HSPA12A: variants seen among roughly 807,000 people sequenced by gnomAD.
HSPA12A encodes heat shock 70 kDa protein 12A.
Under a neutral mutation model 69.2 loss-of-function variants are expected in HSPA12A, and 28 were observed. That is an observed-to-expected ratio of 0.40 (90% CI 0.30 to 0.55). The LOEUF (loss-of-function observed/expected upper bound fraction) is 0.55. Ranked by LOEUF, HSPA12A falls within the 20% of genes least tolerant of loss-of-function variation. The probability of loss-of-function intolerance (pLI) is 0.38; values close to 1 mark genes in which losing one functional copy is unlikely to be tolerated. For synonymous variants in HSPA12A, 345 were observed against 370.5 expected (o/e 0.93, Z 0.79); for missense variants, 686 against 900.7 (o/e 0.76, Z 3.05).
chr10:116,684,091 AC>A (rs1554879168), intron 6 of HSPA12A, 129 bp from the exon 7 acceptor site: 13 of 748,322 alleles, frequency 1.7e-5, no homozygotes, highest in Non-Finnish European at 2.6e-5. Flanking sequence ...CATTCTCTAC[AC>A]AGTCCTCTGC....
intron 1 of HSPA12A, among the ~76,000 whole-genome samples, chr10:116,734,641 G>T (rs1391227620): frequency 5.3e-5 from 7 of 131,726 alleles, no homozygotes; most frequent in Non-Finnish European, 9.5e-5. Context: ...TGCATCTACA[G>T]ATTTTCAGCT....
At chr10:116,718,893 A>G (rs1488732226) in intron 1 of HSPA12A, among the ~76,000 whole-genome samples, 4 of 151,984 alleles carry the variant, frequency 2.6e-5, no homozygotes, top group Non-Finnish European at 5.9e-5. Context: ...ACAGAAGGTC[A>G]GAAAAACTCA....
At chr10:116,761,387 A>G (rs1317926545) in intron 2 of HSPA12A, among the ~76,000 whole-genome samples, 1 of 151,836 alleles carries the variant, frequency 6.6e-6, no homozygotes, top group African/African-American at 2.4e-5. Context: ...TTGGGAGGCT[A>G]AGGTAGAAGA....
rs144625475 is a variant in HSPA12A, at chr10:116,721,858, C to T, written c.41-14573G>A. 2.5e-3 allele frequency among the ~76,000 whole-genome samples: 380 copies of T among 152,340 alleles called. 3 individuals are homozygous for T. Among genetic ancestry groups the T allele is most frequent in the African/African-American group, 8.6e-3 (356 of 41,568 alleles). ...ACTCATCATCATGGCTGCTCACCCA[C>T]GTTGGTGTGTACATGTTATGAAAGA... On this transcript the variant is annotated intron_variant, in intron 1 of 11. Transcript: ENST00000369209.
chr10:116,682,459 G>T lies in HSPA12A; in HGVS notation c.836-582C>A, dbSNP rs570460473. On this transcript the variant is annotated intron_variant, in intron 7 of 11. Transcript: ENST00000369209. The stretch of plus-strand genomic sequence containing the variant: ...ATGCACCCTGGGTAAATAGACTGGG[G>T]GGGGGGGCCATTTCCTGACCCAGCT... Among the ~76,000 whole-genome samples, 80 of 151,890 alleles carry T rather than the reference G, an allele frequency of 5.3e-4. 1 individual carries two copies. The highest frequency in any genetic ancestry group is 1.2e-3 in the African/African-American group (51 of 41,340).
intron 1 of HSPA12A, among the ~76,000 whole-genome samples, chr10:116,847,208 T>A (rs976071182): frequency 1.1e-4 from 16 of 152,308 alleles, no homozygotes; most frequent in African/African-American, 3.8e-4. Context: ...TACAAGGTAA[T>A]CTCAAAAGCC....
intron 5 of HSPA12A, among the ~76,000 whole-genome samples, chr10:116,697,410 G>A (rs1849939837): frequency 6.6e-6 from 1 of 151,070 alleles, no homozygotes; most frequent in South Asian, 2.1e-4. Flanking sequence ...GACCCAAGGG[G>A]GCTCACGCTA....
At chr10:116,822,994 G>A (rs1845433297) in intron 2 of HSPA12A, among the ~76,000 whole-genome samples, 1 of 152,152 alleles carries the variant, frequency 6.6e-6, no homozygotes. Context: ...ATGAGTCAAT[G>A]GTGTGCTGTG....
intron 1 of HSPA12A, among the ~76,000 whole-genome samples, chr10:116,730,214 T>C (rs896452552): frequency 3.9e-5 from 6 of 152,240 alleles, no homozygotes; most frequent in Admixed American, 6.5e-5. Context: ...ATGCCTAACA[T>C]TGACTGCACA....
chr10:116,740,637 CGTGT>C (rs60427815), intron 1 of HSPA12A, among the ~76,000 whole-genome samples: 43,931 of 137,386 alleles, frequency 0.32, 7,218 homozygotes, highest in Admixed American at 0.45. Flanking sequence ...CTCCCAGCAC[CGTGT>C]GTGTGTGTGT....
Position 116,795,515 on chromosome 10 carries a change from T to TAA in HSPA12A, c.91+39418_91+39419dup, listed in dbSNP as rs112773070. Among the ~76,000 whole-genome samples, 1,185 of 140,756 alleles carry TAA rather than the reference T, an allele frequency of 8.4e-3. 18 individuals carry two copies. The highest frequency in any genetic ancestry group is 0.026 in the African/African-American group (982 of 37,896). The allele number at this position is 140,756 out of a possible 152,430, so 92.3% of individuals were successfully genotyped here. A position where few individuals can be genotyped will look rare whatever the true frequency, so the allele number is the denominator to read the frequency against. Reference sequence around the variant, plus strand: ...CCAACATAGCGAAACCTGCCGCTACTAAAAAAAAAAAAATACAAAAATTAG... The same window carrying TAA: ...CCAACATAGCGAAACCTGCCGCTACTAAAAAAAAAAAAAAATACAAAAATTAG... On this transcript the variant is annotated intron_variant, in intron 2 of 12. Coordinates refer to the HSPA12A transcript ENST00000635765.
intron 6 of HSPA12A, among the ~76,000 whole-genome samples, 187 bp from the exon 7 acceptor site, chr10:116,684,149 C>T (rs888853774): frequency 6.6e-6 from 1 of 152,150 alleles, no homozygotes; most frequent in African/African-American, 2.4e-5. Flanking sequence ...AAGCCAGATA[C>T]CCAAACACCC....
chr10:116,804,771 G>T (rs1336257395), intron 2 of HSPA12A, among the ~76,000 whole-genome samples: 2 of 152,168 alleles, frequency 1.3e-5, no homozygotes, highest in Non-Finnish European at 2.9e-5. Flanking sequence ...CCCATTTGCA[G>T]CTCCTATTTT....
intron 1 of HSPA12A, among the ~76,000 whole-genome samples, chr10:116,739,270 A>T (rs1467121688): frequency 2.0e-5 from 3 of 152,150 alleles, no homozygotes; most frequent in Non-Finnish European, 4.4e-5. Flanking sequence ...TGAAATGGGG[A>T]TCACAGGGCG....
intron 5 of HSPA12A, 146 bp from the exon 6 acceptor site, chr10:116,692,613 G>C: frequency 1.5e-6 from 1 of 663,520 alleles, no homozygotes; most frequent in Non-Finnish European, 2.7e-6. Flanking sequence ...GCATCAGAGA[G>C]CAAAGATCTG....
rs1845997522 is a variant in HSPA12A, at chr10:116,849,679, A to T, written c.-111T>A. 1.3e-6 allele frequency: 2 copies of T among 1,549,308 alleles called. No homozygotes were observed. Among genetic ancestry groups the T allele is most frequent in the Admixed American group, 2.0e-5 (1 of 50,886 alleles). ...AACGACGTTCCGCGCAGGCTGGAAG[A>T]GCTGCTCAACTCCACCTTCTACCTC... On this transcript the variant is annotated 5_prime_UTR_variant, in exon 1 of 13. Coordinates refer to the HSPA12A transcript ENST00000635765.
intron 8 of HSPA12A, 50 bp downstream of exon 8, chr10:116,681,741 G>A (rs781936410): frequency 9.8e-6 from 15 of 1,529,142 alleles, no homozygotes; most frequent in South Asian, 2.3e-5. Context: ...GGCTTTTCAC[G>A]AGCAGCACAG....
chr10:116,742,665 C>T (rs1488121571), upstream of HSPA12A: 6 of 937,528 alleles, frequency 6.4e-6, no homozygotes, highest in Admixed American at 1.8e-4. Context: ...CCCCGCCCCT[C>T]CGAGCTCGGG....
At chr10:116,841,198 C>T (rs1400705616) in intron 1 of HSPA12A, among the ~76,000 whole-genome samples, 1 of 152,246 alleles carries the variant, frequency 6.6e-6, no homozygotes, top group African/African-American at 2.4e-5. Flanking sequence ...GATACTCCCG[C>T]ACTTTCCTAT....
Sources: gnomAD v4.1 joint callset for allele counts (sites outside exome capture counted in the v4.1 genomes callset) on GRCh38, gnomAD v4.1.1 for gene constraint, MANE v1.5 for transcripts, NCBI Gene and HGNC (gene_info 2026-07-23, HGNC 2026-07-21) for gene names.